Variants in MAGI2 observed in about 807,000 individuals in gnomAD.
MAGI2 encodes the protein membrane associated guanylate kinase, WW and PDZ domain containing 2.
Under a neutral mutation model 133.3 loss-of-function variants are expected in MAGI2, and 35 were observed. The observed-to-expected ratio is 0.26, with a 90% CI of 0.20 to 0.35. The LOEUF (loss-of-function observed/expected upper bound fraction) is 0.35, where lower values mean the gene tolerates loss of function less well. MAGI2 is among the 10% of genes least tolerant of loss of function. The pLI is 1.00. For missense variants in MAGI2, 1,636 were observed against 1,863.4 expected (o/e 0.88, Z 2.25); for synonymous variants, 729 against 710.6 (o/e 1.03, Z -0.41).
intron 2 of MAGI2, among the ~76,000 whole-genome samples, chr7:78,905,436 C>T (rs1797923549): frequency 6.6e-6 from 1 of 152,170 alleles, no homozygotes; most frequent in South Asian, 2.1e-4. Context: ...GGGCACGTAG[C>T]CTTCTATACC....
At position 78,695,931 on chromosome 7, in the gene MAGI2, AT is replaced by A. The variant is rs375350828; in HGVS notation, c.419-68693del. Among the ~76,000 whole-genome samples the A allele has an allele frequency of 9.8e-3, 1,472 of 149,948 alleles. 22 individuals carry two copies. The highest frequency in any genetic ancestry group is 0.046 in the South Asian group (218 of 4,720). ...CTTCTCATTGTATACCACATAGTTC[AT>A]TTTTTTTTTCTTTTTAAAAGCATGA... On this transcript the variant is annotated intron_variant, in intron 2 of 21. Transcript: ENST00000354212.
intron 11 of MAGI2, among the ~76,000 whole-genome samples, chr7:78,200,702 T>C (rs1296387663): frequency 6.6e-6 from 1 of 152,154 alleles, no homozygotes; most frequent in Non-Finnish European, 1.5e-5. Flanking sequence ...ACATGACACA[T>C]ACACACATGT....
At chr7:79,058,980 C>T (rs991268195) in intron 1 of MAGI2, among the ~76,000 whole-genome samples, 4 of 151,998 alleles carry the variant, frequency 2.6e-5, no homozygotes, top group Admixed American at 6.6e-5. Context: ...CTTAACATGG[C>T]ATACTCAGTA....
At chr7:79,414,689 A>G (rs1846379690) in intron 1 of MAGI2, 1 of 152,118 alleles carries the variant, frequency 6.6e-6, no homozygotes, top group Non-Finnish European at 1.5e-5. Flanking sequence ...GTTCCTTAAT[A>G]TTTACCTCTT....
intron 2 of MAGI2, among the ~76,000 whole-genome samples, chr7:78,640,934 G>A (rs776044466): frequency 3.9e-5 from 6 of 152,184 alleles, no homozygotes; most frequent in Non-Finnish European, 5.9e-5. Context: ...ATCCCTGCAT[G>A]TCATGGGAGG....
chr7:78,115,174 T>C (rs753827582), intron 20 of MAGI2, among the ~76,000 whole-genome samples: 14 of 152,186 alleles, frequency 9.2e-5, no homozygotes, highest in Non-Finnish European at 1.8e-4. Context: ...CCTGGGAACC[T>C]TGAGTTTCCA....
intron 1 of MAGI2, among the ~76,000 whole-genome samples, chr7:79,164,116 T>C (rs1354068436): frequency 2.0e-5 from 3 of 152,052 alleles, no homozygotes; most frequent in Admixed American, 2.0e-4. Flanking sequence ...TTTATTGGCC[T>C]GCCCATGCAT....
chr7:78,193,732 T>C (rs996416723), intron 12 of MAGI2, among the ~76,000 whole-genome samples: 1 of 135,618 alleles, frequency 7.4e-6, no homozygotes, highest in East Asian at 2.3e-4. Flanking sequence ...ACAGTAGCTC[T>C]GATGTAGCCG....
In MAGI2 at chr7:79,090,241, T is replaced by C. The variant is rs1199774225; in HGVS notation, c.302-83035A>G. Among the ~76,000 whole-genome samples the C allele has an allele frequency of 2.0e-5, 3 of 152,178 alleles. No individual in the cohort carries two copies. The East Asian group carries it at 5.8e-4, about 29-fold the overall frequency. On this transcript the variant is annotated intron_variant, in intron 1 of 21. Coordinates refer to ENST00000354212, the MANE Select transcript of MAGI2 (RefSeq NM_012301.4). ...ATACCTACAGCTGTTAATAATATTC[T>C]ATTATTAATAATAGATAACTATTTT...
chr7:78,293,121 A>C (rs1434886432), intron 9 of MAGI2, among the ~76,000 whole-genome samples: 1 of 152,264 alleles, frequency 6.6e-6, no homozygotes, highest in Non-Finnish European at 1.5e-5. Context: ...GCACTGCAAA[A>C]GAAACTACCA....
chr7:78,606,727 G>A (rs556161109), intron 3 of MAGI2, among the ~76,000 whole-genome samples: 3 of 152,096 alleles, frequency 2.0e-5, no homozygotes, highest in Admixed American at 6.6e-5. Flanking sequence ...GAATTTTATG[G>A]CATCAATAAA....
In MAGI2 at chr7:78,286,089, A is replaced by C. The variant is rs866583248; in HGVS notation, c.1409-29508T>G. On this transcript the variant is annotated intron_variant, in intron 9 of 21. Transcript: ENST00000354212. ...GCAATATTACTCTTTGAAATGTTTT[A>C]ATATCCATTGTGTGTGTGTGCACAC... 3.9e-5 allele frequency among the ~76,000 whole-genome samples: 6 copies of C among 151,934 alleles called. No homozygotes were observed. In the South Asian group the frequency reaches 8.4e-4, roughly 21 times the overall value.
intron 16 of MAGI2, among the ~76,000 whole-genome samples, chr7:78,135,507 A>G (rs1389286873): frequency 2.0e-5 from 3 of 152,160 alleles, no homozygotes; most frequent in Non-Finnish European, 4.4e-5. Flanking sequence ...CTTACTGGGG[A>G]CTGTCTGAGT....
intron 3 of MAGI2, among the ~76,000 whole-genome samples, chr7:78,626,347 C>T (rs1479712834): frequency 1.2e-4 from 19 of 152,068 alleles, no homozygotes; most frequent in Admixed American, 1.2e-3. Context: ...TAAATGCAAT[C>T]ATATCAACAT....
intron 1 of MAGI2, among the ~76,000 whole-genome samples, chr7:79,214,425 A>C (rs1198973738): frequency 2.4e-5 from 3 of 126,224 alleles, no homozygotes; most frequent in South Asian, 2.5e-4. Context: ...ATATATATAT[A>C]TATATATATA....
At chr7:78,333,577 T>C (rs1789450996) in intron 9 of MAGI2, among the ~76,000 whole-genome samples, 1 of 152,168 alleles carries the variant, frequency 6.6e-6, no homozygotes, top group Admixed American at 6.5e-5. Flanking sequence ...ATCAATGGAA[T>C]GAGGTGGAAG....
At chr7:78,752,032 A>T (rs1405818653) in intron 2 of MAGI2, among the ~76,000 whole-genome samples, 1 of 152,250 alleles carries the variant, frequency 6.6e-6, no homozygotes, top group Admixed American at 6.5e-5. Flanking sequence ...CAGGGAAACA[A>T]GGTGAGTCTG....
At chr7:78,046,668 C>G (rs1811466949) in intron 21 of MAGI2, among the ~76,000 whole-genome samples, 1 of 152,082 alleles carries the variant, frequency 6.6e-6, no homozygotes, top group Non-Finnish European at 1.5e-5. Context: ...TAATCAACGT[C>G]CTCTACCAAG....
At position 78,400,780 on chromosome 7, in the gene MAGI2, C is replaced by T. The variant is rs188877725; in HGVS notation, c.1046-31567G>A. Among the ~76,000 whole-genome samples, 119 of 152,232 alleles carry T rather than the reference C, an allele frequency of 7.8e-4. 1 individual carries two copies. Among genetic ancestry groups the T allele is most frequent in the African/African-American group, 2.5e-3 (104 of 41,538 alleles). ...TTGGGAGAAATATTTTTTGGTAGGA[C>T]GGCTAACTTATTAGCAGTGAATGTT... On this transcript the variant is annotated intron_variant, in intron 6 of 21. Transcript: ENST00000354212.
Sources: gnomAD v4.1 joint callset for allele counts (sites outside exome capture counted in the v4.1 genomes callset) on GRCh38, gnomAD v4.1.1 for gene constraint, MANE v1.5 for transcripts, NCBI Gene and HGNC (gene_info 2026-07-23, HGNC 2026-07-21) for gene names.